Variants in SLC35D4 observed in about 807,000 individuals in gnomAD.
SLC35D4 encodes solute carrier family 35 member D4, also known as UDP-N-acetylglucosamine transporter SLC35D4.
the SLC35D4 span, among the ~76,000 whole-genome samples, chr18:23,436,185 G>C: frequency 6.6e-6 from 1 of 151,956 alleles, no homozygotes; most frequent in South Asian, 2.1e-4. Flanking sequence ...CTGCCACCAC[G>C]CCTGGCTAAT....
chr18:23,297,966 C>T, the SLC35D4 span: 3 of 1,608,016 alleles, frequency 1.9e-6, no homozygotes, highest in South Asian at 2.2e-5. Flanking sequence ...ACAAGCTGTT[C>T]TCCCGCAGCA....
chr18:23,301,798 T>C, the SLC35D4 span, among the ~76,000 whole-genome samples: 1 of 152,218 alleles, frequency 6.6e-6, no homozygotes, highest in Non-Finnish European at 1.5e-5. Context: ...CTTTCTCTTT[T>C]GTATGCTTCA....
chr18:23,352,623 C>T, the SLC35D4 span, among the ~76,000 whole-genome samples: 9 of 152,078 alleles, frequency 5.9e-5, no homozygotes, highest in Non-Finnish European at 1.3e-4. Context: ...TGGTGCTTGG[C>T]AAGGCAGAGC....
the SLC35D4 span, among the ~76,000 whole-genome samples, chr18:23,396,458 G>A: frequency 6.6e-6 from 1 of 152,132 alleles, no homozygotes; most frequent in African/African-American, 2.4e-5. Flanking sequence ...AAAGAACTCA[G>A]AAACAAAGAA....
At chr18:23,253,549 A>C in the SLC35D4 span, among the ~76,000 whole-genome samples, 1 of 152,254 alleles carries the variant, frequency 6.6e-6, no homozygotes, top group Non-Finnish European at 1.5e-5. Flanking sequence ...GCCAAAGCCC[A>C]GCTATGTAAA....
the SLC35D4 span, among the ~76,000 whole-genome samples, chr18:23,358,087 C>G: frequency 1.3e-5 from 2 of 152,188 alleles, no homozygotes; most frequent in African/African-American, 4.8e-5. Context: ...TAGAGAGTGG[C>G]CAGAGCCCTC....
chr18:23,354,398 G>A, the SLC35D4 span, among the ~76,000 whole-genome samples: 2 of 149,612 alleles, frequency 1.3e-5, no homozygotes, highest in Non-Finnish European at 3.0e-5. Flanking sequence ...GCGGGCACCT[G>A]TAGTCCCAGC....
the SLC35D4 span, chr18:23,399,564 AC>A: frequency 1.2e-6 from 2 of 1,613,642 alleles, no homozygotes; most frequent in African/African-American, 2.7e-5. Context: ...TCTAATACTT[AC>A]CAGTCTGGAC....
the SLC35D4 span, among the ~76,000 whole-genome samples, chr18:23,416,600 AGGGCCAT>A: frequency 6.6e-6 from 1 of 152,206 alleles, no homozygotes; most frequent in African/African-American, 2.4e-5. Flanking sequence ...TCCTTTGCCA[AGGGCCAT>A]GGGAACTGGA....
the SLC35D4 span, among the ~76,000 whole-genome samples, chr18:23,270,029 G>A: frequency 6.6e-6 from 1 of 152,228 alleles, no homozygotes; most frequent in Non-Finnish European, 1.5e-5. Flanking sequence ...TAATCACCAA[G>A]ACAATGAGGA....
At chr18:23,262,271 T>C in the SLC35D4 span, among the ~76,000 whole-genome samples, 1 of 152,184 alleles carries the variant, frequency 6.6e-6, no homozygotes, top group Non-Finnish European at 1.5e-5. Context: ...ACAGCTAACA[T>C]ATTGGTCCCA....
At chr18:23,336,596 C>T in the SLC35D4 span, among the ~76,000 whole-genome samples, 1 of 152,018 alleles carries the variant, frequency 6.6e-6, no homozygotes, top group Non-Finnish European at 1.5e-5. Flanking sequence ...CCTTCCAGAA[C>T]ATATGAAGGT....
the SLC35D4 span, among the ~76,000 whole-genome samples, chr18:23,388,892 T>A: frequency 6.6e-5 from 10 of 152,216 alleles, no homozygotes; most frequent in Non-Finnish European, 1.2e-4. Context: ...TGATTGTAAG[T>A]TTCTTGAGGC....
the SLC35D4 span, among the ~76,000 whole-genome samples, chr18:23,239,544 G>GCATTGAACTTGTTCT: frequency 2.6e-5 from 4 of 152,256 alleles, no homozygotes; most frequent in African/African-American, 9.6e-5. Flanking sequence ...CGTTTCTCAT[G>GCATTGAACTTGTTCT]CATTTGCATT....
the SLC35D4 span, chr18:23,356,703 C>A: frequency 1.3e-6 from 2 of 1,594,462 alleles, no homozygotes; most frequent in Admixed American, 3.4e-5. The surrounding 1 kb of genome is among the most constrained non-coding windows in gnomAD (Gnocchi z 4.1). Context: ...ACCCATGAGG[C>A]CTCACATGAC....
At chr18:23,379,083 GC>G in the SLC35D4 span, among the ~76,000 whole-genome samples, 4 of 152,096 alleles carry the variant, frequency 2.6e-5, 1 homozygote, top group South Asian at 8.3e-4. Context: ...GCTCACACCT[GC>G]GTAACTGCCC....
the SLC35D4 span, among the ~76,000 whole-genome samples, chr18:23,368,201 A>G: frequency 6.6e-6 from 1 of 152,134 alleles, no homozygotes; most frequent in Non-Finnish European, 1.5e-5. Context: ...CCGGTTGCCA[A>G]TGCTCCCCTT....
chr18:23,269,528 G>A, the SLC35D4 span, among the ~76,000 whole-genome samples: 770 of 152,300 alleles, frequency 5.1e-3, 19 homozygotes, highest in Admixed American at 0.046. Flanking sequence ...GGTAGAGTGG[G>A]GTACTGCTAT....
the SLC35D4 span, among the ~76,000 whole-genome samples, chr18:23,412,257 T>G: frequency 6.6e-6 from 1 of 152,142 alleles, no homozygotes; most frequent in South Asian, 2.1e-4. Flanking sequence ...AGGTGGAGGT[T>G]GCAGAGCCAA....
Sources: gnomAD v4.1 joint callset for allele counts (sites outside exome capture counted in the v4.1 genomes callset) on GRCh38, gnomAD v4.1.1 for gene constraint, Gnocchi (gnomAD v3.1) non-coding constraint, MANE v1.5 for transcripts, NCBI Gene and HGNC (gene_info 2026-07-23, HGNC 2026-07-21) for gene names.